The following CSGALNACT1 variants were observed in gnomAD, a reference collection of about 807,000 sequenced individuals.
CSGALNACT1 encodes chondroitin sulfate N-acetylgalactosaminyltransferase 1.
A neutral mutation model predicts 51.0 loss-of-function variants in CSGALNACT1; 52 were observed. That is an observed-to-expected ratio of 1.02 (90% CI 0.82 to 1.29). The LOEUF (loss-of-function observed/expected upper bound fraction) is 1.29. Among genes scored for constraint, CSGALNACT1 ranks in the 50% most tolerant of loss-of-function variants. The pLI, the probability that CSGALNACT1 is intolerant of heterozygous loss-of-function variation, is 0.00. For missense variants in CSGALNACT1, 935 were observed against 679.2 expected (o/e 1.38, Z -4.19); for synonymous variants, 341 against 254.4 (o/e 1.34, Z -3.24).
intron 1 of CSGALNACT1, among the ~76,000 whole-genome samples, chr8:19,726,224 A>C (rs570197979): frequency 2.0e-5 from 3 of 152,356 alleles, no homozygotes; most frequent in African/African-American, 7.2e-5. Flanking sequence ...ATAAGTTAAC[A>C]TTAAATTTTA....
At chr8:19,474,101 T>C (rs917750500) in intron 4 of CSGALNACT1, among the ~76,000 whole-genome samples, 1 of 152,100 alleles carries the variant, frequency 6.6e-6, no homozygotes, top group Non-Finnish European at 1.5e-5. Flanking sequence ...ATAATAACAA[T>C]GGTCCAGATC....
Position 19,651,475 on chromosome 8 carries a change from C to T in CSGALNACT1, c.-544+30998G>A, listed in dbSNP as rs112122403. ...GTTTCTATCTTTGTGTTCATGTGTACTCAACGTTTAGCTCCCACTTGTAAG... is the reference window on the plus strand; with the variant it reads ...GTTTCTATCTTTGTGTTCATGTGTATTCAACGTTTAGCTCCCACTTGTAAG... On this transcript the variant is annotated intron_variant, in intron 1 of 9. Coordinates refer to the CSGALNACT1 transcript ENST00000332246. Among the ~76,000 whole-genome samples the T allele has an allele frequency of 8.3e-3, 1,269 of 152,248 alleles. 11 individuals are homozygous for T. Among genetic ancestry groups the T allele is most frequent in the African/African-American group, 0.026 (1,082 of 41,538 alleles).
upstream of CSGALNACT1, among the ~76,000 whole-genome samples, chr8:19,606,128 G>A (rs780388757): frequency 1.3e-4 from 20 of 152,060 alleles, no homozygotes; most frequent in South Asian, 2.1e-4. Flanking sequence ...AAATAAAAAG[G>A]CTAAAAACCC....
At position 19,600,606 on chromosome 8, in the gene CSGALNACT1, G is replaced by A. The variant is rs535899689; in HGVS notation, c.-416+1165C>T. Among the ~76,000 whole-genome samples the A allele has an allele frequency of 1.5e-4, 23 of 152,210 alleles. No individual in the cohort carries two copies. In the South Asian group the frequency reaches 4.4e-3, roughly 29 times the overall value. ...TCTTAACCACTTGACTTTCTACTTAGGAAAGGATTTGGGAGGAATTCTCCT... is the reference window on the plus strand; with the variant it reads ...TCTTAACCACTTGACTTTCTACTTAAGAAAGGATTTGGGAGGAATTCTCCT... On this transcript the variant is annotated intron_variant, in intron 2 of 9. Coordinates refer to ENST00000454498, the Ensembl canonical transcript of CSGALNACT1.
At chr8:19,570,160 T>C (rs752055382) in intron 3 of CSGALNACT1, among the ~76,000 whole-genome samples, 1 of 152,026 alleles carries the variant, frequency 6.6e-6, no homozygotes, top group Non-Finnish European at 1.5e-5. Context: ...GATATATTCA[T>C]ATGTAAAACT....
chr8:19,651,028 G>A (rs4279608), intron 1 of CSGALNACT1, among the ~76,000 whole-genome samples: 66,422 of 151,880 alleles, frequency 0.44, 14,920 homozygotes, highest in Middle Eastern at 0.54. Context: ...ATGGAGGTGC[G>A]GTCTTCAGAA....
chr8:19,614,294 G>A (rs542512400), intron 1 of CSGALNACT1, among the ~76,000 whole-genome samples: 46 of 152,200 alleles, frequency 3.0e-4, no homozygotes, highest in South Asian at 8.3e-4. Context: ...AATAATGTAC[G>A]CAAAATTCCA....
intron 1 of CSGALNACT1, among the ~76,000 whole-genome samples, chr8:19,611,974 A>G (rs920453396): frequency 2.0e-5 from 3 of 152,042 alleles, no homozygotes; most frequent in African/African-American, 7.2e-5. Context: ...GATTAATTCT[A>G]AGACTCCATC....
intron 3 of CSGALNACT1, among the ~76,000 whole-genome samples, chr8:19,550,311 T>A (rs1012454606): frequency 3.9e-5 from 6 of 152,148 alleles, no homozygotes; most frequent in Non-Finnish European, 8.8e-5. Flanking sequence ...AAAACAGATT[T>A]TGGACTTCTT....
At chr8:19,609,950 G>A (rs959525196) in intron 1 of CSGALNACT1, among the ~76,000 whole-genome samples, 14 of 152,112 alleles carry the variant, frequency 9.2e-5, no homozygotes, top group Non-Finnish European at 2.9e-5. Flanking sequence ...GCCGGGCACG[G>A]TGGCTCACGC....
At chr8:19,466,481 T>C (rs538541349) in intron 4 of CSGALNACT1, among the ~76,000 whole-genome samples, 2 of 152,320 alleles carry the variant, frequency 1.3e-5, no homozygotes, top group South Asian at 2.1e-4. Flanking sequence ...AACCGGTAAA[T>C]GCTTAGTATT....
chr8:19,702,770 A>C lies in CSGALNACT1; in HGVS notation c.-297+55080T>G, dbSNP rs542489134. Among the ~76,000 whole-genome samples, 6 of 152,218 alleles carry C rather than the reference A, an allele frequency of 3.9e-5. No individual in the cohort carries two copies. The East Asian group carries it at 1.2e-3, about 30-fold the overall frequency. On this transcript the variant is annotated intron_variant, in intron 1 of 1. Transcript: ENST00000517494. ...ACCTCGTCCTCAAGACTCAAGTCAC[A>C]TACCATGTCAATGACTCCTTCTGGA...
chr8:19,570,386 A>T (rs899335207), intron 3 of CSGALNACT1, among the ~76,000 whole-genome samples: 4 of 152,158 alleles, frequency 2.6e-5, no homozygotes, highest in African/African-American at 7.2e-5. Context: ...TCCAACAAAG[A>T]ATTGTATTCT....
intron 8 of CSGALNACT1, among the ~76,000 whole-genome samples, chr8:19,417,379 C>G (rs2057096706): frequency 6.6e-6 from 1 of 152,176 alleles, no homozygotes; most frequent in Non-Finnish European, 1.5e-5. Flanking sequence ...TTGAAACTTT[C>G]TGGAAAATAT....
At chr8:19,414,946 T>C (rs2056575745) in intron 8 of CSGALNACT1, among the ~76,000 whole-genome samples, 1 of 152,318 alleles carries the variant, frequency 6.6e-6, no homozygotes, top group Admixed American at 6.5e-5. Flanking sequence ...ACCATTACTT[T>C]TAATTTTACA....
chr8:19,543,963 T>A lies in CSGALNACT1; in HGVS notation c.-296-37833A>T, dbSNP rs10282948. Reference sequence around the variant, plus strand: ...GACGGTGCCAGTATTAAATTCTTCCTGATCAGCTTAGAGTTTTAGGAGAGA... The same window carrying A: ...GACGGTGCCAGTATTAAATTCTTCCAGATCAGCTTAGAGTTTTAGGAGAGA... On this transcript the variant is annotated intron_variant, in intron 3 of 9. Transcript: ENST00000454498. 5.3e-5 allele frequency among the ~76,000 whole-genome samples: 8 copies of A among 152,138 alleles called. No individual in the cohort carries two copies. The South Asian group carries it at 6.2e-4, about 12-fold the overall frequency.
intron 2 of CSGALNACT1, among the ~76,000 whole-genome samples, chr8:19,599,454 AAAAG>A (rs1363180745): frequency 3.2e-5 from 4 of 123,832 alleles, no homozygotes; most frequent in African/African-American, 1.4e-4. Flanking sequence ...AAAGAAAAAG[AAAAG>A]AAAGAAAGAA....
intron 1 of CSGALNACT1, among the ~76,000 whole-genome samples, chr8:19,619,085 A>C (rs536020604): frequency 6.6e-6 from 1 of 152,140 alleles, no homozygotes; most frequent in Non-Finnish European, 1.5e-5. Context: ...ATCAGAAGGC[A>C]GTGGGCTATG....
chr8:19,599,575 G>A (rs989492420), intron 2 of CSGALNACT1, among the ~76,000 whole-genome samples: 2 of 150,990 alleles, frequency 1.3e-5, no homozygotes, highest in African/African-American at 4.9e-5. Flanking sequence ...GAAAGAAAGA[G>A]AGAGAAAGGA....
Sources: gnomAD v4.1 joint callset for allele counts (sites outside exome capture counted in the v4.1 genomes callset) on GRCh38, gnomAD v4.1.1 for gene constraint, MANE v1.5 for transcripts, NCBI Gene and HGNC (gene_info 2026-07-23, HGNC 2026-07-21) for gene names.